CAP2: variants seen among roughly 807,000 people sequenced by gnomAD.
CAP2 encodes the protein cyclase associated actin cytoskeleton regulatory protein 2.
A neutral mutation model predicts 57.7 loss-of-function variants in CAP2; 24 were observed. The observed-to-expected ratio is 0.42, with a 90% CI of 0.30 to 0.58. CAP2 has a LOEUF of 0.58. Among genes scored for constraint, CAP2 ranks in the 20% least tolerant of loss-of-function variants. CAP2 has a pLI of 0.22. For missense variants in CAP2, 501 were observed against 590.3 expected (o/e 0.85, Z 1.57); for synonymous variants, 194 against 207.2 (o/e 0.94, Z 0.55).
At position 17,513,808 on chromosome 6, in the gene CAP2, G is replaced by C; in HGVS notation, c.531-41G>C. 1 of 1,387,008 alleles carries C rather than the reference G, an allele frequency of 7.2e-7. No individual in the cohort carries two copies. Among genetic ancestry groups the C allele is most frequent in the East Asian group, 2.3e-5 (1 of 43,666 alleles). The allele number at this position is 1,387,008 out of a possible 1,614,324, so 85.9% of individuals were successfully genotyped here. On this transcript the variant is annotated intron_variant, in intron 6 of 12. Coordinates refer to ENST00000229922, the MANE Select transcript of CAP2 (RefSeq NM_006366.3). The surrounding 1 kb of genome is among the most constrained non-coding windows in gnomAD (Gnocchi z 4.3). ...ACAATTTTTTTAAAATTTTATTTTA[G>C]ATCCTAACTCTGCTTTCTTCAACCC... is the stretch of plus-strand genomic sequence containing the variant.
chr6:17,521,473 A>G (rs1762390346), intron 7 of CAP2, among the ~76,000 whole-genome samples: 1 of 152,170 alleles, frequency 6.6e-6, no homozygotes, highest in Admixed American at 6.5e-5. Flanking sequence ...GCACAGGTAG[A>G]TAGTAAAGTT....
rs1762775137 is a variant in CAP2, at chr6:17,536,405, G to A, written c.637-2864G>A. On this transcript the variant is annotated intron_variant, in intron 7 of 12. Transcript: ENST00000229922. The stretch of plus-strand genomic sequence containing the variant: ...AACAAGAGCCCGGTATTGTGCTCTT[G>A]CTGGGGCCGATATGGGAATAAGCCA... The A allele has an allele frequency of 7.2e-6, 3 of 416,142 alleles. No homozygotes were observed. In the Admixed American group the frequency reaches 8.0e-5, roughly 11 times the overall value. The allele number at this position is 416,142 out of a possible 1,614,324, so 25.8% of individuals were successfully genotyped here.
chr6:17,394,858 T>C (rs1758629934), intron 1 of CAP2, among the ~76,000 whole-genome samples: 2 of 152,336 alleles, frequency 1.3e-5, no homozygotes, highest in South Asian at 4.1e-4. Context: ...TGGTAGTTCC[T>C]ACGGCACCAA....
At chr6:17,444,355 T>C (rs901149902) in intron 3 of CAP2, among the ~76,000 whole-genome samples, 16 of 152,020 alleles carry the variant, frequency 1.1e-4, no homozygotes, top group Admixed American at 3.9e-4. Flanking sequence ...AAACAAATCA[T>C]CAGCTAGGCG....
intron 3 of CAP2, among the ~76,000 whole-genome samples, chr6:17,444,990 T>A (rs1760215781): frequency 6.6e-6 from 1 of 152,156 alleles, no homozygotes; most frequent in African/African-American, 2.4e-5. Context: ...GAGACTAAGA[T>A]ACATAAGTAA....
At chr6:17,462,970 A>C in intron 3 of CAP2, 26 bp from the exon 4 acceptor site, 2 of 1,597,874 alleles carry the variant, frequency 1.3e-6, no homozygotes, top group African/African-American at 2.7e-5. Flanking sequence ...AAACATTGAA[A>C]CTGCCATCTT....
intron 3 of CAP2, among the ~76,000 whole-genome samples, chr6:17,457,062 C>T (rs1561790573): frequency 1.3e-5 from 2 of 152,202 alleles, no homozygotes; most frequent in Non-Finnish European, 2.9e-5. Flanking sequence ...CATCCTAAGA[C>T]CACACGGCAA....
At chr6:17,511,047 A>G (rs1762133086) in intron 6 of CAP2, among the ~76,000 whole-genome samples, 1 of 152,204 alleles carries the variant, frequency 6.6e-6, no homozygotes, top group Non-Finnish European at 1.5e-5. Flanking sequence ...CTAGCAATTA[A>G]GTAGAAAATG....
intron 4 of CAP2, among the ~76,000 whole-genome samples, chr6:17,492,557 G>A (rs2113636845): frequency 6.6e-6 from 1 of 152,220 alleles, no homozygotes; most frequent in East Asian, 1.9e-4. Context: ...TCAGCCAGTT[G>A]GGGGGAAAAG....
At chr6:17,435,660 A>G (rs1277766200) in intron 3 of CAP2, among the ~76,000 whole-genome samples, 3 of 111,666 alleles carry the variant, frequency 2.7e-5, no homozygotes, top group African/African-American at 9.8e-5. Context: ...GTGCACATGT[A>G]CCCTAAAACT....
chr6:17,496,031 G>GGGGA (rs1561804646), intron 4 of CAP2, among the ~76,000 whole-genome samples: 2 of 134,356 alleles, frequency 1.5e-5, no homozygotes, highest in Non-Finnish European at 3.2e-5. Context: ...TGTGGGTGGG[G>GGGGA]GGGGGGGGTA....
intron 3 of CAP2, among the ~76,000 whole-genome samples, chr6:17,455,341 G>T (rs1302615716): frequency 2.0e-5 from 3 of 152,000 alleles, no homozygotes; most frequent in African/African-American, 7.2e-5. Context: ...CACTGTGTGT[G>T]GTCCCTCCCA....
At chr6:17,548,471 C>CA (rs980489877) in intron 11 of CAP2, among the ~76,000 whole-genome samples, 99 of 151,682 alleles carry the variant, frequency 6.5e-4, no homozygotes, top group Non-Finnish European at 6.2e-4. Flanking sequence ...AGGTACCTAG[C>CA]AAAAAAAGCA....
At chr6:17,448,069 T>C (rs1432191222) in intron 3 of CAP2, among the ~76,000 whole-genome samples, 9 of 152,252 alleles carry the variant, frequency 5.9e-5, no homozygotes. Flanking sequence ...ATCTTCTATG[T>C]GGCGCCACAA....
intron 4 of CAP2, among the ~76,000 whole-genome samples, chr6:17,495,695 CGAA>C: frequency 6.6e-6 from 1 of 152,098 alleles, no homozygotes; most frequent in East Asian, 1.9e-4. Flanking sequence ...GCTCAAGACT[CGAA>C]GATGAAAGTT....
intron 3 of CAP2, among the ~76,000 whole-genome samples, chr6:17,456,026 A>G (rs1329735117): frequency 1.3e-5 from 2 of 152,188 alleles, no homozygotes; most frequent in Admixed American, 1.3e-4. Context: ...TTCATCTGCT[A>G]ATGAAAATGG....
At chr6:17,512,182 G>A (rs766957428) in intron 6 of CAP2, among the ~76,000 whole-genome samples, 1 of 152,096 alleles carries the variant, frequency 6.6e-6, no homozygotes, top group Non-Finnish European at 1.5e-5. Flanking sequence ...TTGAGGCCAG[G>A]AGTTCGAGAC....
intron 7 of CAP2, among the ~76,000 whole-genome samples, chr6:17,518,265 G>T (rs1438899333): frequency 2.6e-5 from 4 of 151,946 alleles, no homozygotes; most frequent in African/African-American, 9.7e-5. Flanking sequence ...TTATATTTTT[G>T]AATTTTAAAA....
chr6:17,431,414 A>G (rs770658595), intron 3 of CAP2, among the ~76,000 whole-genome samples: 1 of 152,232 alleles, frequency 6.6e-6, no homozygotes, highest in South Asian at 2.1e-4. Context: ...CGTAACACAC[A>G]TAAGGCATAC....
Sources: gnomAD v4.1 joint callset for allele counts (sites outside exome capture counted in the v4.1 genomes callset) on GRCh38, gnomAD v4.1.1 for gene constraint, Gnocchi (gnomAD v3.1) non-coding constraint, MANE v1.5 for transcripts, NCBI Gene and HGNC (gene_info 2026-07-23, HGNC 2026-07-21) for gene names.